ANKRD36C: variants seen among roughly 807,000 people sequenced by gnomAD.
ANKRD36C encodes ankyrin repeat domain-containing protein 36C.
Under a neutral mutation model 276.4 loss-of-function variants are expected in ANKRD36C, and 61 were observed. The observed-to-expected ratio is 0.22, with a 90% CI of 0.18 to 0.27. The LOEUF (loss-of-function observed/expected upper bound fraction) is 0.27. Among genes scored for constraint, ANKRD36C ranks in the 10% least tolerant of loss-of-function variants. The pLI is 1.00. For missense variants in ANKRD36C, 1,447 were observed against 2,032.3 expected, an observed-to-expected ratio of 0.71 and a Z score of 5.54; for synonymous variants, 483 against 680.1, an observed-to-expected ratio of 0.71 and a Z score of 4.51.
intron 44 of ANKRD36C, among the ~76,000 whole-genome samples, chr2:95,893,939 T>C (rs941362942): frequency 5.3e-5 from 8 of 151,408 alleles, no homozygotes; most frequent in Non-Finnish European, 7.4e-5. Flanking sequence ...ATTTCAAACA[T>C]GGTACGATTT....
intron 1 of ANKRD36C, among the ~76,000 whole-genome samples, chr2:95,987,424 C>T (rs1679051832): frequency 6.6e-6 from 1 of 151,854 alleles, no homozygotes; most frequent in African/African-American, 2.4e-5. Flanking sequence ...AGCTCTGTCA[C>T]TTAGCTGTTA....
intron 59 of ANKRD36C, among the ~76,000 whole-genome samples, chr2:95,870,353 T>C (rs1269577184): frequency 1.3e-5 from 2 of 152,174 alleles, no homozygotes; most frequent in Non-Finnish European, 2.9e-5. Flanking sequence ...CATTCGCGGT[T>C]CACGAAAATC....
intron 60 of ANKRD36C, among the ~76,000 whole-genome samples, chr2:95,861,536 G>GGTGAACT (rs978057938): frequency 3.1e-4 from 46 of 150,692 alleles, no homozygotes; most frequent in African/African-American, 1.0e-3. Flanking sequence ...TATTACTGAA[G>GGTGAACT]GTGAACTGTG....
intron 5 of ANKRD36C, among the ~76,000 whole-genome samples, chr2:95,978,615 C>T (rs2104532273): frequency 6.6e-6 from 1 of 152,184 alleles, no homozygotes; most frequent in South Asian, 2.1e-4. Flanking sequence ...AATAGTAAAG[C>T]AGTGGAGCTT....
chr2:95,857,993 A>G (rs1269742705), intron 61 of ANKRD36C, among the ~76,000 whole-genome samples: 10 of 152,026 alleles, frequency 6.6e-5, no homozygotes, highest in Non-Finnish European at 1.0e-4. Context: ...CAGGTCTTCA[A>G]ATAAACTCAA....
rs1312771766 is a variant in ANKRD36C, at chr2:95,919,882, G to C, written c.2245+1725C>G. ...GTCATAGACTACAATGTAAATGAGA[G>C]TTTAATTACCTTCAAGGCTGGTTGT... On this transcript the variant is annotated intron_variant, in intron 34 of 66. Transcript: ENST00000456556. 1.7e-5 allele frequency: 27 copies of C among 1,545,476 alleles called. 1 individual carries two copies. Among genetic ancestry groups the C allele is most frequent in the Non-Finnish European group, 2.4e-5 (27 of 1,146,314 alleles).
intron 1 of ANKRD36C, among the ~76,000 whole-genome samples, chr2:95,990,889 A>G (rs953318607): frequency 2.0e-5 from 3 of 152,236 alleles, no homozygotes; most frequent in Admixed American, 6.5e-5. Context: ...AAACGTGTAC[A>G]TTAAAAATAA....
In ANKRD36C at chr2:95,919,579, AG is replaced by A. The variant is rs1457913401; in HGVS notation, c.2246-1538del. On this transcript the variant is annotated intron_variant, in intron 34 of 66. Transcript: ENST00000456556. Reference sequence around the variant, plus strand: ...AGGCCAACAGCATTAGCGTCTCCCAAGAAATTTATTACAAATGAAAAATCTC... The same window carrying A: ...AGGCCAACAGCATTAGCGTCTCCCAAAAATTTATTACAAATGAAAAATCTC... 1.5e-5 allele frequency among the ~76,000 whole-genome samples: 2 copies of A among 132,084 alleles called. 1 individual carries two copies. The highest frequency in any genetic ancestry group is 5.4e-4 in the East Asian group (2 of 3,712). The allele number at this position is 132,084 out of a possible 152,430, so 86.7% of individuals were successfully genotyped here.
intron 59 of ANKRD36C, among the ~76,000 whole-genome samples, chr2:95,869,384 T>A (rs949510679): frequency 2.0e-5 from 3 of 152,242 alleles, no homozygotes; most frequent in African/African-American, 7.2e-5. Flanking sequence ...ATAAAGGCAG[T>A]CACTTTAAAA....
intron 8 of ANKRD36C, among the ~76,000 whole-genome samples, chr2:95,961,903 T>C (rs1678469051): frequency 6.6e-6 from 1 of 152,052 alleles, no homozygotes. Context: ...TCCCTCTTCC[T>C]TGAGTAAAAT....
chr2:95,893,756 T>C (rs763656457), intron 44 of ANKRD36C, 32 bp from the exon 63 acceptor site: 2 of 1,603,784 alleles, frequency 1.2e-6, no homozygotes, highest in Non-Finnish European at 1.7e-6. Context: ...TAATCACTCA[T>C]ATGTAAATAT....
Position 95,948,445 on chromosome 2 carries a change from T to C in ANKRD36C, c.1362+85A>G, listed in dbSNP as rs552995966. ...AATACTAACATAAAACAATGATAGGTAGACAATTGCTAAGTTTTAGAAGAA... is the reference window on the plus strand; with the variant it reads ...AATACTAACATAAAACAATGATAGGCAGACAATTGCTAAGTTTTAGAAGAA... On this transcript the variant is annotated intron_variant, in intron 17 of 66. Coordinates refer to ENST00000456556, the Ensembl canonical transcript of ANKRD36C. The C allele has an allele frequency of 1.1e-5, 15 of 1,363,418 alleles. No individual in the cohort carries two copies. In the Admixed American group the frequency reaches 3.5e-4, roughly 32 times the overall value. The allele number at this position is 1,363,418 out of a possible 1,614,324, so 84.5% of individuals were successfully genotyped here.
chr2:95,889,737 G>A lies in ANKRD36C; in HGVS notation c.2959+62C>T, dbSNP rs1361994023. ...TGACGAACCCCCCGCTGCTTTATTT[G>A]GTGAAGAGAAGATCTCTTCTATCTT... On this transcript the variant is annotated intron_variant, in intron 48 of 66. Transcript: ENST00000456556. 5.9e-6 allele frequency: 9 copies of A among 1,516,614 alleles called. No homozygotes were observed. The African/African-American group carries it at 1.1e-4, about 19-fold the overall frequency. The allele number at this position is 1,516,614 out of a possible 1,614,324, so 93.9% of individuals were successfully genotyped here.
rs556970336 is a variant in ANKRD36C, at chr2:95,984,533, T to C, written c.487-2171A>G. 1.4e-4 allele frequency among the ~76,000 whole-genome samples: 22 copies of C among 152,360 alleles called. No homozygotes were observed. The South Asian group carries it at 4.3e-3, about 30-fold the overall frequency. ...GTGGATATGTCTCCAAGCGATTGTA[T>C]GTAACGCAAGTATTTTCATGTAAAA... On this transcript the variant is annotated intron_variant, in intron 3 of 66. Transcript: ENST00000456556.
chr2:95,971,899 A>C (rs2579543), intron 6 of ANKRD36C, among the ~76,000 whole-genome samples: 5 of 152,198 alleles, frequency 3.3e-5, no homozygotes, highest in African/African-American at 1.2e-4. Context: ...TCTGTATAGA[A>C]ACCTGTTAAA....
intron 12 of ANKRD36C, among the ~76,000 whole-genome samples, chr2:95,957,332 G>T (rs1195239937): frequency 5.1e-4 from 77 of 150,320 alleles, no homozygotes; most frequent in African/African-American, 1.9e-3. Flanking sequence ...TATTCATCAT[G>T]CTCTTTGACT....
At chr2:95,944,631 T>C (rs1677983054) in exon 19 of ANKRD36C, 1 of 1,537,204 alleles carries the variant, frequency 6.5e-7, no homozygotes, top group African/African-American at 1.4e-5. Flanking sequence ...ATTTACCTTA[T>C]CAACATTTTG....
intron 44 of ANKRD36C, 109 bp from the exon 63 acceptor site, chr2:95,893,833 A>G (rs181181532): frequency 2.6e-6 from 4 of 1,564,476 alleles, no homozygotes; most frequent in Non-Finnish European, 3.5e-6. Flanking sequence ...GTATTAGCGT[A>G]GGCTTTAATG....
chr2:95,943,461 G>T (rs1345533674), intron 19 of ANKRD36C, among the ~76,000 whole-genome samples: 2 of 150,042 alleles, frequency 1.3e-5, no homozygotes, highest in East Asian at 3.9e-4. Flanking sequence ...TCCAGCCTGG[G>T]AGACAGAGCG....
Sources: gnomAD v4.1 joint callset for allele counts (sites outside exome capture counted in the v4.1 genomes callset) on GRCh38, gnomAD v4.1.1 for gene constraint, MANE v1.5 for transcripts, NCBI Gene and HGNC (gene_info 2026-07-23, HGNC 2026-07-21) for gene names.